The following TTLL11 variants were observed in gnomAD, a reference collection of about 807,000 sequenced individuals.
The protein encoded by TTLL11 is tubulin tyrosine ligase like 11, also known as tubulin polyglutamylase TTLL11.
A neutral mutation model predicts 51.7 loss-of-function variants in TTLL11; 42 were observed. The ratio of observed to expected loss-of-function variants is 0.81; its 90% CI spans 0.64 to 1.05. The LOEUF is 1.05. Among genes scored for constraint, TTLL11 ranks in the 50% least tolerant of loss-of-function variants. TTLL11 has a pLI of 0.00. For missense variants in TTLL11, 799 were observed against 940.4 expected (o/e 0.85, Z 1.97); for synonymous variants, 381 against 383.5 (o/e 0.99, Z 0.08).
intron 6 of TTLL11, among the ~76,000 whole-genome samples, chr9:121,932,155 A>T (rs1420998541): frequency 6.6e-6 from 1 of 152,156 alleles, no homozygotes; most frequent in Admixed American, 6.5e-5. Context: ...TGAGTTCTTG[A>T]GAGTTGACCT....
At chr9:121,838,010 C>T (rs112250677) in intron 8 of TTLL11, among the ~76,000 whole-genome samples, 2,007 of 152,302 alleles carry the variant, frequency 0.013, 54 homozygotes, top group African/African-American at 0.046. Flanking sequence ...CTCTCTCTCT[C>T]GCTCTCTCTT....
chr9:121,825,846 G>GAA (rs770063725), intron 8 of TTLL11, among the ~76,000 whole-genome samples: 11 of 134,366 alleles, frequency 8.2e-5, no homozygotes, highest in South Asian at 2.4e-4. Flanking sequence ...GGCCAATTTG[G>GAA]AAAAAAAAAA....
At chr9:121,857,920 A>G (rs1046208669) in intron 8 of TTLL11, among the ~76,000 whole-genome samples, 1 of 152,192 alleles carries the variant, frequency 6.6e-6, no homozygotes, top group Non-Finnish European at 1.5e-5. Flanking sequence ...ATCAATTTCA[A>G]TATTTAATAA....
intron 3 of TTLL11, among the ~76,000 whole-genome samples, chr9:122,016,074 C>T (rs73550089): frequency 0.034 from 5,140 of 152,176 alleles, 200 homozygotes; most frequent in Admixed American, 0.12. Context: ...GAACTTGCTC[C>T]AGACGTCGGG....
At chr9:121,993,853 C>T (rs1261497640) in intron 3 of TTLL11, among the ~76,000 whole-genome samples, 1 of 152,168 alleles carries the variant, frequency 6.6e-6, no homozygotes, top group Non-Finnish European at 1.5e-5. Context: ...AAGTCAAAAC[C>T]AGTTAGGGCA....
intron 7 of TTLL11, among the ~76,000 whole-genome samples, chr9:121,869,285 C>T (rs971405690): frequency 6.6e-6 from 1 of 152,212 alleles, no homozygotes; most frequent in Non-Finnish European, 1.5e-5. Context: ...ATTTATAAAA[C>T]TTCTTTGGAG....
chr9:121,846,790 TAGA>T (rs1406788387), intron 8 of TTLL11, among the ~76,000 whole-genome samples: 1 of 152,174 alleles, frequency 6.6e-6, no homozygotes, highest in Non-Finnish European at 1.5e-5. Context: ...TATTAGTGCT[TAGA>T]AGAACAATTT....
At chr9:122,024,883 T>G (rs1026330982) in intron 3 of TTLL11, among the ~76,000 whole-genome samples, 1 of 145,232 alleles carries the variant, frequency 6.9e-6, no homozygotes, top group African/African-American at 2.6e-5. Flanking sequence ...AATTCCTATA[T>G]ATGACACAAA....
In TTLL11 at chr9:121,929,812, C is replaced by T. The variant is rs116644378; in HGVS notation, c.1481+44197G>A. On this transcript the variant is annotated intron_variant, in intron 6 of 8. Transcript: ENST00000321582. ...CAGCTGTGTGACCCCAGACAGGCCA[C>T]TTTGCTCCTTTGGGTGTTTGTAGAA... Among the ~76,000 whole-genome samples the T allele has an allele frequency of 6.9e-3, 1,047 of 152,332 alleles. 12 individuals are homozygous for T. Among genetic ancestry groups the T allele is most frequent in the African/African-American group, 0.021 (863 of 41,564 alleles).
At chr9:122,073,162 C>T (rs1026230482) in intron 1 of TTLL11, among the ~76,000 whole-genome samples, 1 of 152,178 alleles carries the variant, frequency 6.6e-6, no homozygotes, top group African/African-American at 2.4e-5. Context: ...ATAATCCCAG[C>T]ACTTTGGGAA....
chr9:121,968,760 C>T (rs186142936), intron 6 of TTLL11, among the ~76,000 whole-genome samples: 1,574 of 151,772 alleles, frequency 0.01, 7 homozygotes, highest in Admixed American at 0.016. Flanking sequence ...AGGGTTTCAC[C>T]ATATTGGCCA....
intron 3 of TTLL11, among the ~76,000 whole-genome samples, chr9:121,991,294 T>G (rs1843104109): frequency 6.6e-6 from 1 of 152,248 alleles, no homozygotes; most frequent in African/African-American, 2.4e-5. Context: ...GTAAAAGATC[T>G]TTAACAATGG....
intron 6 of TTLL11, among the ~76,000 whole-genome samples, chr9:121,949,739 G>C (rs1841792441): frequency 6.6e-6 from 1 of 151,992 alleles, no homozygotes; most frequent in Admixed American, 6.6e-5. Context: ...TTGATTATGA[G>C]AAAGTTTTTG....
chr9:121,987,768 T>C (rs1842974874), intron 4 of TTLL11, among the ~76,000 whole-genome samples: 1 of 151,988 alleles, frequency 6.6e-6, no homozygotes, highest in Admixed American at 6.6e-5. Flanking sequence ...CTTTCCTGGC[T>C]CCCTCCCCCT....
intron 8 of TTLL11, among the ~76,000 whole-genome samples, chr9:121,842,988 C>G (rs902831677): frequency 1.3e-5 from 2 of 152,086 alleles, no homozygotes; most frequent in African/African-American, 4.8e-5. Context: ...GGGAGATGTG[C>G]GAAATGCTAA....
At chr9:122,005,512 G>A (rs933655970) in intron 3 of TTLL11, among the ~76,000 whole-genome samples, 1 of 152,188 alleles carries the variant, frequency 6.6e-6, no homozygotes, top group Non-Finnish European at 1.5e-5. Context: ...GGGCTAAGAG[G>A]TCACAAACCT....
chr9:121,872,549 A>G (rs1838392949), intron 6 of TTLL11, among the ~76,000 whole-genome samples: 1 of 152,254 alleles, frequency 6.6e-6, no homozygotes, highest in Non-Finnish European at 1.5e-5. Flanking sequence ...ATGCTTTGTA[A>G]CCTGTAAGTG....
intron 2 of TTLL11, among the ~76,000 whole-genome samples, chr9:122,037,346 GAATCATTCTTGTTC>G: frequency 6.6e-6 from 1 of 152,172 alleles, no homozygotes; most frequent in Non-Finnish European, 1.5e-5. Flanking sequence ...CTGGCTGCAA[GAATCATTCTTGTTC>G]TGTAACAAAA....
intron 1 of TTLL11, among the ~76,000 whole-genome samples, chr9:122,061,700 C>T (rs1845437678): frequency 6.6e-6 from 1 of 151,874 alleles, no homozygotes; most frequent in East Asian, 1.9e-4. Flanking sequence ...TGCAGTGGTG[C>T]AATCTTGGCT....
Sources: allele counts gnomAD v4.1 joint callset (sites outside exome capture counted in the v4.1 genomes callset), GRCh38; gene constraint gnomAD v4.1.1; transcripts MANE v1.5; gene names NCBI Gene and HGNC (gene_info 2026-07-23, HGNC 2026-07-21).